Variants in ANKRD31 observed in about 807,000 individuals in gnomAD.
The protein encoded by ANKRD31 is ankyrin repeat domain-containing protein 31.
In ANKRD31, 147 loss-of-function variants were observed where a neutral mutation model predicts 186.0. The ratio of observed to expected loss-of-function variants is 0.79; its 90% CI spans 0.69 to 0.91. The LOEUF is 0.91. Ranked by LOEUF, ANKRD31 falls within the 40% of genes least tolerant of loss-of-function variation. ANKRD31 has a pLI of 0.00. For synonymous variants in ANKRD31, 673 were observed against 736.4 expected (o/e 0.91, Z 1.39); for missense variants, 1,986 against 2,148.8 (o/e 0.92, Z 1.50).
At chr5:75,179,887 A>G (rs1754145142) in intron 10 of ANKRD31, among the ~76,000 whole-genome samples, 1 of 152,192 alleles carries the variant, frequency 6.6e-6, no homozygotes, top group Non-Finnish European at 1.5e-5. Flanking sequence ...GGCCAGGGCA[A>G]TCAGGCAGGA....
chr5:75,074,076 A>T (rs1744441485), intron 25 of ANKRD31, among the ~76,000 whole-genome samples: 1 of 152,118 alleles, frequency 6.6e-6, no homozygotes, highest in Non-Finnish European at 1.5e-5. Flanking sequence ...GCATACATAT[A>T]CTTCTCAATT....
intron 17 of ANKRD31, among the ~76,000 whole-genome samples, chr5:75,128,871 T>C (rs1749486271): frequency 6.6e-6 from 1 of 152,126 alleles, no homozygotes; most frequent in Non-Finnish European, 1.5e-5. Context: ...GGTTCATCAC[T>C]TTAATAATTC....
intron 10 of ANKRD31, among the ~76,000 whole-genome samples, chr5:75,181,945 A>G (rs1754340937): frequency 6.6e-6 from 1 of 151,974 alleles, no homozygotes; most frequent in African/African-American, 2.4e-5. Flanking sequence ...AAAAATAAAA[A>G]ATAAAAAAAA....
chr5:75,081,530 G>A (rs1167694598), intron 24 of ANKRD31, among the ~76,000 whole-genome samples: 1 of 152,200 alleles, frequency 6.6e-6, no homozygotes, highest in African/African-American at 2.4e-5. Flanking sequence ...GGAAATGCCT[G>A]CCTAGAACTA....
intron 11 of ANKRD31, among the ~76,000 whole-genome samples, chr5:75,163,699 T>C (rs1442587683): frequency 1.3e-5 from 2 of 152,194 alleles, no homozygotes; most frequent in Admixed American, 6.5e-5. Flanking sequence ...TAACTTCTTA[T>C]GTAAGAAAGT....
intron 25 of ANKRD31, among the ~76,000 whole-genome samples, chr5:75,069,237 T>G (rs1476945573): frequency 3.3e-5 from 5 of 150,714 alleles, no homozygotes; most frequent in Non-Finnish European, 7.4e-5. Flanking sequence ...CTAATGGTCC[T>G]AAAACTGGTT....
chr5:75,169,836 C>T (rs1753192223), intron 10 of ANKRD31, among the ~76,000 whole-genome samples: 1 of 152,106 alleles, frequency 6.6e-6, no homozygotes, highest in African/African-American at 2.4e-5. Context: ...ATGAGTATCA[C>T]AGAATGTTTA....
intron 2 of ANKRD31, 133 bp from the exon 3 acceptor site, chr5:75,222,491 C>CA: frequency 1.6e-6 from 1 of 636,296 alleles, no homozygotes; most frequent in Non-Finnish European, 2.4e-6. Flanking sequence ...TTCATTTCTT[C>CA]TAAAAAAAAA....
chr5:75,158,934 A>G (rs1752389624), intron 11 of ANKRD31, among the ~76,000 whole-genome samples: 1 of 152,174 alleles, frequency 6.6e-6, no homozygotes, highest in African/African-American at 2.4e-5. Flanking sequence ...TAAAACAGCT[A>G]TTATAAATAT....
chr5:75,169,174 T>A, intron 10 of ANKRD31, 53 bp from the exon 11 acceptor site: 2 of 1,512,162 alleles, frequency 1.3e-6, no homozygotes, highest in South Asian at 2.5e-5. Context: ...TTAATAATGT[T>A]TTGTGCTTGC....
intron 23 of ANKRD31, among the ~76,000 whole-genome samples, chr5:75,087,600 C>T (rs1018440535): frequency 1.3e-5 from 2 of 151,850 alleles, no homozygotes; most frequent in African/African-American, 4.8e-5. Flanking sequence ...GTCAATCTTA[C>T]AAAGTTTCAC....
In ANKRD31 at chr5:75,236,783, A is replaced by G. The variant is rs898294074; in HGVS notation, c.-97T>C. 8 of 952,188 alleles carry G rather than the reference A, an allele frequency of 8.4e-6. No homozygotes were observed. In the African/African-American group the frequency reaches 1.4e-4, roughly 16 times the overall value. 59.0% of individuals were successfully genotyped at this position (952,188 alleles called of 1,614,324 possible). A position where few individuals can be genotyped will look rare whatever the true frequency, so the allele number is the denominator to read the frequency against. ...GAGGGCCAGGGGAAATTGTGAATTA[A>G]AAATAAAAATAATATAATCGCAGCA... On this transcript the variant is annotated 5_prime_UTR_variant, in exon 1 of 26. Transcript: ENST00000506364.
chr5:75,235,444 A>G (rs1758207055), intron 1 of ANKRD31, among the ~76,000 whole-genome samples: 1 of 152,146 alleles, frequency 6.6e-6, no homozygotes, highest in African/African-American at 2.4e-5. Flanking sequence ...TGAAATCTTA[A>G]TAACAACCCA....
intron 25 of ANKRD31, among the ~76,000 whole-genome samples, chr5:75,077,817 C>T (rs968009241): frequency 1.3e-5 from 2 of 150,230 alleles, no homozygotes; most frequent in Non-Finnish European, 3.0e-5. Flanking sequence ...CCCAGCTACT[C>T]GGGAGGCTGA....
At chr5:75,131,710 C>G (rs1749852237) in intron 17 of ANKRD31, among the ~76,000 whole-genome samples, 2 of 152,228 alleles carry the variant, frequency 1.3e-5, no homozygotes. Context: ...CAGACTGCCT[C>G]CTCAAGTGGG....
Position 75,143,988 on chromosome 5 carries a change from T to A in ANKRD31, c.3595+13A>T. The A allele has an allele frequency of 2.5e-6, 1 of 397,008 alleles. No homozygotes were observed. The highest frequency in any genetic ancestry group is 3.6e-5 in the East Asian group (1 of 27,912). The allele number at this position is 397,008 out of a possible 1,614,324, so 24.6% of individuals were successfully genotyped here. A position where few individuals can be genotyped will look rare whatever the true frequency, so the allele number is the denominator to read the frequency against. ...TTGTAAACTTTAACCTATACAATTA[T>A]AGGAATACAAACCTAGGTTGCAGGT... On this transcript the variant is annotated intron_variant, in intron 15 of 25. Coordinates refer to ENST00000506364, the MANE Select transcript of ANKRD31 (RefSeq NM_001372053.1).
At chr5:75,191,943 A>C (rs1165347428) in intron 9 of ANKRD31, among the ~76,000 whole-genome samples, 1 of 152,086 alleles carries the variant, frequency 6.6e-6, no homozygotes, top group Non-Finnish European at 1.5e-5. Flanking sequence ...AAAAGTTGTA[A>C]AAATAGAACA....
chr5:75,193,694 C>T, intron 7 of ANKRD31, 103 bp from the exon 8 acceptor site: 1 of 1,030,524 alleles, frequency 9.7e-7, no homozygotes, highest in Non-Finnish European at 1.4e-6. Flanking sequence ...ATTAAAATGC[C>T]TATTATAGGA....
At chr5:75,210,984 G>A in intron 3 of ANKRD31, 119 bp from the exon 4 acceptor site, 1 of 632,828 alleles carries the variant, frequency 1.6e-6, no homozygotes, top group Non-Finnish European at 2.5e-6. Context: ...TTTTTATGGT[G>A]GTAAAATACA....
Sources: allele counts gnomAD v4.1 joint callset (sites outside exome capture counted in the v4.1 genomes callset), GRCh38; gene constraint gnomAD v4.1.1; transcripts MANE v1.5; gene names NCBI Gene and HGNC (gene_info 2026-07-23, HGNC 2026-07-21).